UQCC1: variants seen among roughly 807,000 people sequenced by gnomAD.
The protein encoded by UQCC1 is ubiquinol-cytochrome c reductase complex assembly factor 1.
In UQCC1, 38 loss-of-function variants were observed where a neutral mutation model predicts 48.0. That is an observed-to-expected ratio of 0.79 (90% CI 0.61 to 1.04). UQCC1 has a LOEUF of 1.04. Among genes scored for constraint, UQCC1 ranks in the 50% least tolerant of loss-of-function variants. UQCC1 has a pLI of 0.00. For synonymous variants in UQCC1, 111 were observed against 129.2 expected (o/e 0.86, Z 0.95); for missense variants, 368 against 381.8 (o/e 0.96, Z 0.30).
At chr20:35,362,895 A>T (rs1397709683) in intron 6 of UQCC1, among the ~76,000 whole-genome samples, 1 of 152,162 alleles carries the variant, frequency 6.6e-6, no homozygotes, top group African/African-American at 2.4e-5. Context: ...CAAATGGAAT[A>T]GAAAATATCA....
chr20:35,367,584 C>T (rs1342866292), intron 5 of UQCC1, among the ~76,000 whole-genome samples: 6 of 151,824 alleles, frequency 4.0e-5, no homozygotes, highest in Non-Finnish European at 1.5e-5. Context: ...CATAGTGAGA[C>T]CCCATCTCTA....
At chr20:35,401,899 G>A (rs1318337300) in intron 1 of UQCC1, among the ~76,000 whole-genome samples, 2 of 151,826 alleles carry the variant, frequency 1.3e-5, no homozygotes. Context: ...AACCTCAGGT[G>A]ATCCCTCAGC....
chr20:35,354,942 A>C (rs767783324), intron 6 of UQCC1, among the ~76,000 whole-genome samples: 3 of 152,180 alleles, frequency 2.0e-5, no homozygotes, highest in Non-Finnish European at 2.9e-5. Flanking sequence ...CTAAATAAAG[A>C]CCCAAAAGAC....
chr20:35,306,437 A>C, intron 9 of UQCC1: 1 of 512,592 alleles, frequency 2.0e-6, no homozygotes, highest in Non-Finnish European at 3.6e-6. Flanking sequence ...TGAGGGCAGG[A>C]GACTACTCGA....
rs1600979463 is a variant in UQCC1 at position 35,378,538 on chromosome 20, G to A, written c.333+3380C>T. Among the ~76,000 whole-genome samples, 3 of 152,284 alleles carry A rather than the reference G, an allele frequency of 2.0e-5. No individual in the cohort carries two copies. In the South Asian group the frequency reaches 6.2e-4, roughly 32 times the overall value. On this transcript the variant is annotated intron_variant, in intron 4 of 9. Transcript: ENST00000374385. Reference sequence around the variant, plus strand: ...CCAGCTACTCGGGAGGCTGAGGCAGGAGAATTGCTTGAACTTGGGAGGCAG... The same window carrying A: ...CCAGCTACTCGGGAGGCTGAGGCAGAAGAATTGCTTGAACTTGGGAGGCAG...
In UQCC1 at chr20:35,402,345, G is replaced by A. The variant is rs188088206; in HGVS notation, c.25-8149C>T. ...TGTAATCCCAGCACTCTGGGAGGCC[G>A]AGGCAGGCAGATCACGAGGTCAGGA... On this transcript the variant is annotated intron_variant, in intron 1 of 9. Coordinates refer to ENST00000374385, the MANE Select transcript of UQCC1 (RefSeq NM_018244.5). Among the ~76,000 whole-genome samples, 495 of 152,230 alleles carry A rather than the reference G, an allele frequency of 3.3e-3. 1 individual carries two copies. Among genetic ancestry groups the A allele is most frequent in the African/African-American group, 0.011 (461 of 41,536 alleles).
rs370683311 is a variant in UQCC1 at position 35,366,632 on chromosome 20, G to C, written c.407-18C>G. 14 of 1,607,344 alleles carry C rather than the reference G, an allele frequency of 8.7e-6. No individual in the cohort carries two copies. The highest frequency in any genetic ancestry group is 1.2e-5 in the Non-Finnish European group (14 of 1,174,192). On this transcript the variant is annotated intron_variant, in intron 5 of 9. Transcript: ENST00000374385. The stretch of plus-strand genomic sequence containing the variant: ...CTGACACCCTAGAAAATAACAATAA[G>C]GTATAAGTATGTGAGGGTTTAAAGG...
chr20:35,374,073 C>A, intron 5 of UQCC1, 111 bp downstream of exon 5: 1 of 757,698 alleles, frequency 1.3e-6, no homozygotes, highest in Non-Finnish European at 2.2e-6. Flanking sequence ...ATGCTTTGTG[C>A]AGGAAAAACT....
At position 35,363,684 on chromosome 20, in the gene UQCC1, A is replaced by G. The variant is rs1473783640; in HGVS notation, c.464+2873T>C. On this transcript the variant is annotated intron_variant, in intron 6 of 9. Coordinates refer to ENST00000374385, the MANE Select transcript of UQCC1 (RefSeq NM_018244.5). ...GTCAGCGACCAGGGTATTTTTGTTT[A>G]TTAGTAGTTTGTTTGGTTTTGGTTT... Among the ~76,000 whole-genome samples, 3 of 152,168 alleles carry G rather than the reference A, an allele frequency of 2.0e-5. No homozygotes were observed. In the East Asian group the frequency reaches 5.8e-4, roughly 29 times the overall value.
chr20:35,410,716 A>AAAAAAAAAAAAAAAAAAAAAAAAC (rs1370852913), intron 1 of UQCC1, among the ~76,000 whole-genome samples: 5 of 108,766 alleles, frequency 4.6e-5, no homozygotes, highest in South Asian at 4.3e-4. Flanking sequence ...AAAAAAAAAA[A>AAAAAAAAAAAAAAAAAAAAAAAAC]AAAAAAAACA....
intron 4 of UQCC1, among the ~76,000 whole-genome samples, chr20:35,376,423 A>G (rs550439672): frequency 9.1e-4 from 138 of 152,098 alleles, no homozygotes; most frequent in African/African-American, 3.1e-3. Context: ...ACATCACTGC[A>G]TATCCTAAAG....
At chr20:35,332,686 G>A (rs1268753960) in intron 7 of UQCC1, among the ~76,000 whole-genome samples, 1 of 152,212 alleles carries the variant, frequency 6.6e-6, no homozygotes, top group Admixed American at 6.5e-5. Context: ...AAAGAAAATG[G>A]TCAGTCCTGG....
chr20:35,337,809 T>C (rs908406774), intron 7 of UQCC1, among the ~76,000 whole-genome samples: 2 of 152,216 alleles, frequency 1.3e-5, no homozygotes, highest in African/African-American at 4.8e-5. Flanking sequence ...AGGAAGAGAC[T>C]GTCCCCTTAT....
intron 7 of UQCC1, chr20:35,346,065 T>C (rs1440083347): frequency 1.3e-5 from 2 of 152,034 alleles, no homozygotes; most frequent in Non-Finnish European, 1.5e-5. Flanking sequence ...AGCTAGAGGA[T>C]TGTAAATGCA....
intron 8 of UQCC1, among the ~76,000 whole-genome samples, chr20:35,311,213 A>G (rs995491902): frequency 2.0e-5 from 3 of 152,024 alleles, no homozygotes; most frequent in Non-Finnish European, 2.9e-5. Flanking sequence ...ATATAAAGGC[A>G]GATAGGGCAC....
intron 7 of UQCC1, among the ~76,000 whole-genome samples, chr20:35,319,925 T>C (rs1415939062): frequency 1.3e-5 from 2 of 152,232 alleles, no homozygotes; most frequent in Non-Finnish European, 2.9e-5. Context: ...CAGGGACTGA[T>C]GGGAGATCAA....
At chr20:35,411,874 C>G in intron 1 of UQCC1, 66 bp downstream of exon 1, 1 of 1,605,712 alleles carries the variant, frequency 6.2e-7, no homozygotes, top group Non-Finnish European at 8.5e-7. Context: ...ATTCCTCCCG[C>G]CCTGCCTTGT....
At chr20:35,354,422 A>G (rs563552448) in intron 6 of UQCC1, among the ~76,000 whole-genome samples, 1 of 147,502 alleles carries the variant, frequency 6.8e-6, no homozygotes, top group Non-Finnish European at 1.5e-5. Context: ...TTTGAGACAG[A>G]GTCTTGCTCT....
Position 35,315,842 on chromosome 20 carries a change from C to T in UQCC1, c.574-1077G>A, listed in dbSNP as rs563770951. On this transcript the variant is annotated intron_variant, in intron 7 of 9. Transcript: ENST00000374385. ...CCGAGGCTGCAGTGAGCCAGGATCGCGCCACTGCACTCCAGCCTGGGCAAC... is the reference window on the plus strand; with the variant it reads ...CCGAGGCTGCAGTGAGCCAGGATCGTGCCACTGCACTCCAGCCTGGGCAAC... 3.3e-5 allele frequency among the ~76,000 whole-genome samples: 5 copies of T among 152,180 alleles called. No individual in the cohort carries two copies. The East Asian group carries it at 5.8e-4, about 18-fold the overall frequency.
Sources: allele counts gnomAD v4.1 joint callset (sites outside exome capture counted in the v4.1 genomes callset), GRCh38; gene constraint gnomAD v4.1.1; transcripts MANE v1.5; gene names NCBI Gene and HGNC (gene_info 2026-07-23, HGNC 2026-07-21).